Variants in DPP10 observed in about 807,000 individuals in gnomAD.
The protein encoded by DPP10 is inactive dipeptidyl peptidase 10.
A neutral mutation model predicts 120.9 loss-of-function variants in DPP10; 33 were observed. The ratio of observed to expected loss-of-function variants is 0.27; its 90% CI spans 0.21 to 0.37. DPP10 has a LOEUF of 0.37. DPP10 is among the 10% of genes least tolerant of loss of function. The pLI is 1.00. For synonymous variants in DPP10, 337 were observed against 326.1 expected, an observed-to-expected ratio of 1.03 and a Z score of -0.36; for missense variants, 816 against 942.8, an observed-to-expected ratio of 0.87 and a Z score of 1.76.
intron 5 of DPP10, among the ~76,000 whole-genome samples, chr2:115,615,161 A>AT (rs2084396743): frequency 6.6e-6 from 1 of 152,086 alleles, no homozygotes; most frequent in Non-Finnish European, 1.5e-5. Flanking sequence ...GAAAAAAAAA[A>AT]GCTTGATTAG....
intron 1 of DPP10, among the ~76,000 whole-genome samples, chr2:114,660,645 G>A (rs185149132): frequency 9.1e-4 from 138 of 152,304 alleles, no homozygotes; most frequent in African/African-American, 3.2e-3. Flanking sequence ...TTGGTAATAG[G>A]AGAGTTTTTA....
intron 1 of DPP10, among the ~76,000 whole-genome samples, chr2:115,239,086 A>T (rs1355789623): frequency 2.6e-5 from 4 of 152,118 alleles, no homozygotes; most frequent in Admixed American, 2.6e-4. Context: ...AGCTGATTAG[A>T]TGGTGCCCCC....
At chr2:115,609,225 G>A (rs186881686) in intron 5 of DPP10, among the ~76,000 whole-genome samples, 3 of 152,214 alleles carry the variant, frequency 2.0e-5, no homozygotes, top group Admixed American at 1.3e-4. Flanking sequence ...AAAATAATTA[G>A]CAAGCTAGTG....
intron 1 of DPP10, among the ~76,000 whole-genome samples, chr2:115,292,853 A>G (rs985573485): frequency 1.1e-4 from 16 of 152,142 alleles, no homozygotes; most frequent in African/African-American, 3.6e-4. Context: ...CCTTCTGAAG[A>G]TGGTGACCGA....
At chr2:114,848,933 G>A (rs190495770) in intron 1 of DPP10, among the ~76,000 whole-genome samples, 1 of 152,294 alleles carries the variant, frequency 6.6e-6, no homozygotes, top group Admixed American at 6.5e-5. Flanking sequence ...TCTGATACAA[G>A]ATGACTTCCT....
At chr2:114,803,342 A>C (rs1684432832) in intron 1 of DPP10, among the ~76,000 whole-genome samples, 1 of 152,166 alleles carries the variant, frequency 6.6e-6, no homozygotes, top group South Asian at 2.1e-4. Flanking sequence ...AATACAGTAA[A>C]CTGGTAACAG....
rs562228894 is a variant in DPP10 at position 115,619,920 on chromosome 2, G to C, written c.442-69767G>C. ...AGGATATTGAAATGAACCTAATTGT[G>C]GTAATCATATTCTTAATAAATACAA... On this transcript the variant is annotated intron_variant, in intron 5 of 25. Coordinates refer to ENST00000410059, the MANE Select transcript of DPP10 (RefSeq NM_020868.6). Among the ~76,000 whole-genome samples, 113 of 152,160 alleles carry C rather than the reference G, an allele frequency of 7.4e-4. 1 individual carries two copies. Among genetic ancestry groups the C allele is most frequent in the Non-Finnish European group, 2.2e-4 (15 of 67,988 alleles).
chr2:114,871,506 T>C (rs1471960772), intron 1 of DPP10, among the ~76,000 whole-genome samples: 1 of 152,166 alleles, frequency 6.6e-6, no homozygotes, highest in East Asian at 1.9e-4. Flanking sequence ...TTAGAGAAGA[T>C]CTAATAAAGG....
intron 1 of DPP10, among the ~76,000 whole-genome samples, chr2:114,601,473 TTC>T (rs1692361902): frequency 6.6e-6 from 1 of 152,056 alleles, no homozygotes; most frequent in African/African-American, 2.4e-5. Flanking sequence ...TGTTTTTTTC[TTC>T]TGTTTTAAAG....
At chr2:114,542,472 T>G (rs773541138) in intron 1 of DPP10, among the ~76,000 whole-genome samples, 1 of 152,232 alleles carries the variant, frequency 6.6e-6, no homozygotes, top group Non-Finnish European at 1.5e-5. Context: ...TGGATTTACA[T>G]AAGTCTCATC....
intron 1 of DPP10, among the ~76,000 whole-genome samples, chr2:114,572,088 C>A (rs1246680393): frequency 1.3e-5 from 2 of 151,282 alleles, no homozygotes; most frequent in African/African-American, 4.9e-5. Flanking sequence ...CACTACCATC[C>A]AAATCTGTCT....
intron 4 of DPP10, among the ~76,000 whole-genome samples, chr2:115,514,039 C>T (rs539946439): frequency 6.6e-6 from 1 of 152,016 alleles, no homozygotes. Flanking sequence ...ATATAGAATT[C>T]TTTGTTGACA....
At chr2:114,950,469 A>T (rs200804513) in intron 1 of DPP10, among the ~76,000 whole-genome samples, 3,615 of 145,202 alleles carry the variant, frequency 0.025, 57 homozygotes, top group Middle Eastern at 0.031. Context: ...TAATTTTTTT[A>T]TTTTTTTTTT....
At chr2:115,057,577 A>G (rs1706029925) in intron 1 of DPP10, among the ~76,000 whole-genome samples, 1 of 152,194 alleles carries the variant, frequency 6.6e-6, no homozygotes, top group Admixed American at 6.5e-5. Flanking sequence ...ATTTTTATGG[A>G]AAGGACAGAA....
Position 114,797,561 on chromosome 2 carries a change from G to A in DPP10, c.60+354723G>A, listed in dbSNP as rs535422913. On this transcript the variant is annotated intron_variant, in intron 1 of 25. Coordinates refer to ENST00000410059, the MANE Select transcript of DPP10 (RefSeq NM_020868.6). ...AGGTGAGGATAATAGTATGGCAAAG[G>A]GGCACCAGAATTTCTCAACAACCAA... Among the ~76,000 whole-genome samples, 28 of 152,222 alleles carry A rather than the reference G, an allele frequency of 1.8e-4. 1 individual carries two copies. Among genetic ancestry groups the A allele is most frequent in the Admixed American group, 1.6e-3 (24 of 15,294 alleles).
At chr2:115,042,158 A>T (rs1298220379) in intron 1 of DPP10, among the ~76,000 whole-genome samples, 1 of 152,166 alleles carries the variant, frequency 6.6e-6, no homozygotes, top group Non-Finnish European at 1.5e-5. Context: ...GGATAAAACA[A>T]AGCCAGTTTC....
At chr2:114,832,516 A>G (rs1687230778) in intron 1 of DPP10, among the ~76,000 whole-genome samples, 1 of 152,258 alleles carries the variant, frequency 6.6e-6, no homozygotes, top group Non-Finnish European at 1.5e-5. Flanking sequence ...GCCTGGCGAC[A>G]GAGCGAGACT....
intron 1 of DPP10, among the ~76,000 whole-genome samples, chr2:115,112,322 C>G (rs1203988009): frequency 1.3e-5 from 2 of 152,016 alleles, no homozygotes; most frequent in Admixed American, 1.3e-4. Context: ...TAGGTATATT[C>G]ATTTTCCTTT....
intron 5 of DPP10, among the ~76,000 whole-genome samples, chr2:115,626,418 C>T (rs1417097236): frequency 6.6e-6 from 1 of 151,972 alleles, no homozygotes; most frequent in Non-Finnish European, 1.5e-5. Flanking sequence ...TAACATTATT[C>T]CTAAAAAACT....
Sources: allele counts gnomAD v4.1 joint callset (sites outside exome capture counted in the v4.1 genomes callset), GRCh38; gene constraint gnomAD v4.1.1; transcripts MANE v1.5; gene names NCBI Gene and HGNC (gene_info 2026-07-23, HGNC 2026-07-21).